PAK4: variants seen among roughly 807,000 people sequenced by gnomAD.
PAK4 encodes the protein serine/threonine-protein kinase PAK 4.
PAK4 carries 49 observed loss-of-function variants against 53.5 expected under a neutral mutation model. That is an observed-to-expected ratio of 0.92 (90% confidence interval 0.73 to 1.16). The LOEUF is 1.16. Among genes scored for constraint, PAK4 ranks in the 50% most tolerant of loss-of-function variants. The pLI, the probability that PAK4 is intolerant of heterozygous loss-of-function variation, is 0.00. For missense variants in PAK4, 824 were observed against 850.7 expected (o/e 0.97, Z 0.39); for synonymous variants, 376 against 375.6 (o/e 1.00, Z -0.01).
At chr19:39,174,235 G>A (rs576669028) in intron 4 of PAK4, among the ~76,000 whole-genome samples, 28 of 151,464 alleles carry the variant, frequency 1.8e-4, no homozygotes, top group Admixed American at 3.3e-4. Flanking sequence ...CCAGACCCAG[G>A]GTTCCTCGGG....
chr19:39,177,544 A>G, intron 7 of PAK4, 131 bp from the exon 9 acceptor site: 1 of 967,098 alleles, frequency 1.0e-6, no homozygotes, highest in Non-Finnish European at 1.5e-6. Context: ...TGGGTGCCCA[A>G]GAGGGAGTTC....
At chr19:39,129,287 T>C (rs2073654771) in intron 1 of PAK4, among the ~76,000 whole-genome samples, 1 of 151,818 alleles carries the variant, frequency 6.6e-6, no homozygotes, top group Non-Finnish European at 1.5e-5. Flanking sequence ...TTTTTCCTGA[T>C]GGTGTTTCTT....
chr19:39,131,053 G>A (rs1324591276), intron 1 of PAK4, among the ~76,000 whole-genome samples: 1 of 152,046 alleles, frequency 6.6e-6, no homozygotes, highest in Non-Finnish European at 1.5e-5. Flanking sequence ...TGTGAAGTAG[G>A]TGCTAGTATC....
intron 1 of PAK4, among the ~76,000 whole-genome samples, chr19:39,154,993 G>A (rs553705836): frequency 1.3e-5 from 2 of 152,228 alleles, no homozygotes; most frequent in Non-Finnish European, 2.9e-5. Flanking sequence ...CCCAGCCCAC[G>A]TTCTGTGTGT....
chr19:39,177,955 A>G, intron 8 of PAK4, 146 bp downstream of exon 9: 1 of 926,118 alleles, frequency 1.1e-6, no homozygotes, highest in Non-Finnish European at 1.6e-6. Context: ...CCCGGGCCTC[A>G]TGTGTCTGTG....
intron 1 of PAK4, among the ~76,000 whole-genome samples, chr19:39,158,882 C>T (rs769817112): frequency 6.6e-6 from 1 of 152,156 alleles, no homozygotes; most frequent in Admixed American, 6.5e-5. Flanking sequence ...CATATTTGCT[C>T]GGCAGAAGGG....
intron 1 of PAK4, among the ~76,000 whole-genome samples, chr19:39,166,183 C>T (rs1354405749): frequency 3.3e-5 from 5 of 152,222 alleles, no homozygotes; most frequent in East Asian, 1.9e-4. Context: ...GAAGGCCAGG[C>T]GCAGGGCTCA....
intron 1 of PAK4, among the ~76,000 whole-genome samples, chr19:39,166,859 G>A (rs964609377): frequency 6.6e-6 from 1 of 152,214 alleles, no homozygotes; most frequent in African/African-American, 2.4e-5. Context: ...TGCACAGGAC[G>A]GCCCAGGGTG....
chr19:39,169,902 G>A, intron 2 of PAK4, 145 bp downstream of exon 3: 1 of 660,610 alleles, frequency 1.5e-6, no homozygotes, highest in Non-Finnish European at 2.6e-6. Flanking sequence ...CCCTATCCTG[G>A]GTCCAGTGCT....
At chr19:39,140,591 C>T (rs949855688) in intron 1 of PAK4, among the ~76,000 whole-genome samples, 5 of 152,164 alleles carry the variant, frequency 3.3e-5, no homozygotes, top group Admixed American at 3.3e-4. Flanking sequence ...GCTAGAAAGG[C>T]GAATATTACA....
Position 39,161,959 on chromosome 19 carries a change from G to T in PAK4, c.-22-7573G>T, listed in dbSNP as rs537292720. 3.5e-3 allele frequency among the ~76,000 whole-genome samples: 532 copies of T among 151,908 alleles called. No homozygotes were observed. Among genetic ancestry groups the T allele is most frequent in the Non-Finnish European group, 5.3e-3 (361 of 67,982 alleles). ...CTGACCACTTTATTTTATAATAATA[G>T]TTATTATTATTATTTTGAGATGGAG... On this transcript the variant is annotated intron_variant, in intron 1 of 8. Coordinates refer to ENST00000358301, the Ensembl canonical transcript of PAK4. The surrounding 1 kb of genome is among the most constrained non-coding windows in gnomAD (Gnocchi z 4.5).
intron 1 of PAK4, among the ~76,000 whole-genome samples, chr19:39,166,261 T>C (rs529013105): frequency 6.6e-6 from 1 of 152,158 alleles, no homozygotes; most frequent in East Asian, 1.9e-4. Flanking sequence ...CTGGCCAACA[T>C]GGTGAAACCC....
In PAK4 at chr19:39,175,297, C is replaced by G. The variant is rs777756935; in HGVS notation, c.1233-15C>G. 70 of 1,564,146 alleles carry G rather than the reference C, an allele frequency of 4.5e-5. No homozygotes were observed. The East Asian group carries it at 1.6e-3, about 36-fold the overall frequency. On this transcript the variant is annotated splice_polypyrimidine_tract_variant and intron_variant, in intron 5 of 8. Transcript: ENST00000358301. This position sits in a 1 kb window ranked among gnomAD's most constrained non-coding sequence, Gnocchi z 4.7. ...GCTGTCCAGCTGGCTGCTCACCCCCCACCCCACCCCGCAGGATGAACGAGG... is the reference window on the plus strand; with the variant it reads ...GCTGTCCAGCTGGCTGCTCACCCCCGACCCCACCCCGCAGGATGAACGAGG...
At chr19:39,136,007 C>T (rs2073807380) in intron 1 of PAK4, among the ~76,000 whole-genome samples, 1 of 137,932 alleles carries the variant, frequency 7.2e-6, no homozygotes, top group African/African-American at 2.6e-5. Context: ...CGTCATCCCC[C>T]TTCTTCGTCA....
intron 1 of PAK4, among the ~76,000 whole-genome samples, chr19:39,151,722 C>A (rs1258868042): frequency 2.0e-5 from 3 of 152,202 alleles, no homozygotes; most frequent in Non-Finnish European, 4.4e-5. Context: ...CTGTGACCAA[C>A]CATGGCCCAA....
downstream of PAK4, chr19:39,181,001 T>A (rs1483999689): frequency 1.3e-5 from 2 of 152,180 alleles, no homozygotes; most frequent in Non-Finnish European, 2.9e-5. Context: ...GACGGGGAGC[T>A]CCCTCGCCCA....
At chr19:39,138,504 T>C (rs1002258946) in intron 1 of PAK4, among the ~76,000 whole-genome samples, 2 of 152,244 alleles carry the variant, frequency 1.3e-5, no homozygotes, top group African/African-American at 4.8e-5. Context: ...GTCTTCTCGT[T>C]CATACTTTTC....
At chr19:39,153,395 A>G (rs773733269) in intron 1 of PAK4, among the ~76,000 whole-genome samples, 33 of 152,286 alleles carry the variant, frequency 2.2e-4, no homozygotes, top group Non-Finnish European at 2.2e-4. Context: ...AGTAGCTGGA[A>G]TTACAGGCAT....
In PAK4 at chr19:39,149,010, C is replaced by CA. The variant is rs1241594870; in HGVS notation, c.-22-20515dup. ...TCACACCTACTAGGATGGCTGCTGT[C>CA]AAAAAAACAAAAATAACAAGTGTTG... On this transcript the variant is annotated intron_variant, in intron 1 of 8. Coordinates refer to ENST00000358301, the Ensembl canonical transcript of PAK4. Among the ~76,000 whole-genome samples the CA allele has an allele frequency of 2.0e-5, 3 of 151,890 alleles. No homozygotes were observed. The East Asian group carries it at 5.8e-4, about 29-fold the overall frequency.
Sources: gnomAD v4.1 joint callset for allele counts (sites outside exome capture counted in the v4.1 genomes callset) on GRCh38, gnomAD v4.1.1 for gene constraint, Gnocchi (gnomAD v3.1) non-coding constraint, MANE v1.5 for transcripts, NCBI Gene and HGNC (gene_info 2026-07-23, HGNC 2026-07-21) for gene names.